SDK1: variants seen among roughly 807,000 people sequenced by gnomAD.
The protein encoded by SDK1 is protein sidekick-1.
In SDK1, 157 loss-of-function variants were observed where a neutral mutation model predicts 245.5. The ratio of observed to expected loss-of-function variants is 0.64; its 90% CI spans 0.56 to 0.73. SDK1 has a LOEUF of 0.73. Ranked by LOEUF, SDK1 falls within the 30% of genes least tolerant of loss-of-function variation. SDK1 has a pLI of 0.00. For synonymous variants in SDK1, 1,647 were observed against 1,278.5 expected, an observed-to-expected ratio of 1.29 and a Z score of -6.15; for missense variants, 3,583 against 3,002.3, an observed-to-expected ratio of 1.19 and a Z score of -4.52.
intron 1 of SDK1, among the ~76,000 whole-genome samples, chr7:3,500,955 C>G (rs1028120960): frequency 2.0e-4 from 30 of 151,998 alleles, no homozygotes; most frequent in Non-Finnish European, 3.4e-4. Context: ...ATAGATGAAG[C>G]ATTTTTTAAT....
chr7:4,147,753 G>A (rs1780075384), intron 29 of SDK1, among the ~76,000 whole-genome samples: 1 of 152,224 alleles, frequency 6.6e-6, no homozygotes, highest in South Asian at 2.1e-4. Flanking sequence ...GCCACCCTGG[G>A]TATCAGCACT....
At chr7:3,943,343 C>T (rs749900799) in intron 5 of SDK1, among the ~76,000 whole-genome samples, 9 of 149,518 alleles carry the variant, frequency 6.0e-5, no homozygotes, top group Non-Finnish European at 1.2e-4. Flanking sequence ...TCAGCAGCCA[C>T]CTTGGCCTCT....
intron 13 of SDK1, among the ~76,000 whole-genome samples, chr7:3,985,511 G>A (rs536475172): frequency 6.6e-6 from 1 of 152,294 alleles, no homozygotes; most frequent in African/African-American, 2.4e-5. Flanking sequence ...CTCTGCCCAG[G>A]TGCAGTGGCT....
At position 3,565,632 on chromosome 7, in the gene SDK1, C is replaced by T. The variant is rs549766224; in HGVS notation, c.299-53448C>T. Among the ~76,000 whole-genome samples, 62 of 152,246 alleles carry T rather than the reference C, an allele frequency of 4.1e-4. 1 individual carries two copies. The highest frequency in any genetic ancestry group is 2.6e-3 in the Admixed American group (40 of 15,304). ...ATCTGGAGGGGAGTGGTTCTGGAAC[C>T]TCCCTCAGATACCACAATTCACAGA... On this transcript the variant is annotated intron_variant, in intron 1 of 44. Transcript: ENST00000404826.
At chr7:3,550,868 A>G (rs1054093516) in intron 1 of SDK1, among the ~76,000 whole-genome samples, 5 of 152,062 alleles carry the variant, frequency 3.3e-5, no homozygotes, top group African/African-American at 1.2e-4. Context: ...GGGTTTTGTA[A>G]TTTTTAGCAA....
chr7:4,250,908 A>G (rs1484806568), intron 44 of SDK1, among the ~76,000 whole-genome samples: 2 of 152,156 alleles, frequency 1.3e-5, no homozygotes, highest in African/African-American at 4.8e-5. Flanking sequence ...TCATCGCTCT[A>G]AAAAGAAACC....
At chr7:3,353,820 C>G (rs1024309526) in intron 1 of SDK1, among the ~76,000 whole-genome samples, 1 of 152,068 alleles carries the variant, frequency 6.6e-6, no homozygotes, top group Non-Finnish European at 1.5e-5. Context: ...AAAAAGCAGC[C>G]TCCCATGTTT....
At chr7:3,970,921 C>T (rs974574531) in intron 11 of SDK1, among the ~76,000 whole-genome samples, 2 of 152,188 alleles carry the variant, frequency 1.3e-5, no homozygotes, top group Admixed American at 1.3e-4. Flanking sequence ...AGTGACCCAT[C>T]GCACAGGCAA....
At chr7:3,502,223 A>AT (rs561329481) in intron 1 of SDK1, among the ~76,000 whole-genome samples, 3,161 of 151,098 alleles carry the variant, frequency 0.021, 104 homozygotes, top group African/African-American at 0.064. Flanking sequence ...TGTTTCAAAG[A>AT]TTTTTTTTTA....
chr7:3,616,313 C>T (rs1426234836), intron 1 of SDK1, among the ~76,000 whole-genome samples: 1 of 152,206 alleles, frequency 6.6e-6, no homozygotes, highest in Non-Finnish European at 1.5e-5. Context: ...GTGAGGTGGG[C>T]AGCATGGACA....
At chr7:3,348,722 T>G (rs1390903216) in intron 1 of SDK1, among the ~76,000 whole-genome samples, 1 of 152,134 alleles carries the variant, frequency 6.6e-6, no homozygotes, top group Non-Finnish European at 1.5e-5. Context: ...TTTCAAAAAG[T>G]GAGCTGTTAT....
chr7:3,541,849 G>C (rs887529552), intron 1 of SDK1, among the ~76,000 whole-genome samples: 8 of 152,142 alleles, frequency 5.3e-5, no homozygotes, highest in Non-Finnish European at 8.8e-5. Context: ...GTATTAAGGA[G>C]CTAAATGCCC....
chr7:4,162,369 G>GTTGTTATTATTA lies in SDK1; in HGVS notation c.4800+515_4800+516insGTTATTATTATT, dbSNP rs776772572. 1.5e-3 allele frequency among the ~76,000 whole-genome samples: 187 copies of GTTGTTATTATTA among 128,378 alleles called. 2 individuals carry two copies. In the East Asian group the frequency reaches 0.019, roughly 13 times the overall value. The allele number at this position is 128,378 out of a possible 152,430, so 84.2% of individuals were successfully genotyped here. A position where few individuals can be genotyped will look rare whatever the true frequency, so the allele number is the denominator to read the frequency against. On this transcript the variant is annotated intron_variant, in intron 32 of 44. Coordinates refer to ENST00000404826, the MANE Select transcript of SDK1 (RefSeq NM_152744.4). ...GGTGGTGGTGGTGGTTGTTGTTGTT[G>GTTGTTATTATTA]TTATTATTATTATTATTATTATTAT...
At chr7:3,553,329 C>A (rs747478093) in intron 1 of SDK1, among the ~76,000 whole-genome samples, 3 of 152,168 alleles carry the variant, frequency 2.0e-5, no homozygotes, top group Non-Finnish European at 4.4e-5. Context: ...TTTAAGACTT[C>A]TAGCTTGGAC....
chr7:3,597,763 T>C (rs1051820355), intron 1 of SDK1, among the ~76,000 whole-genome samples: 1 of 152,182 alleles, frequency 6.6e-6, no homozygotes, highest in South Asian at 2.1e-4. Flanking sequence ...GACAGTTTTG[T>C]TTTTGACTTT....
chr7:3,560,223 G>A (rs1018628407), intron 1 of SDK1, among the ~76,000 whole-genome samples: 4 of 152,138 alleles, frequency 2.6e-5, no homozygotes, highest in Admixed American at 2.6e-4. Context: ...CGTATCTTTA[G>A]AAGTACGTAC....
chr7:3,464,266 A>G (rs1339678319), intron 1 of SDK1, among the ~76,000 whole-genome samples: 1 of 152,148 alleles, frequency 6.6e-6, no homozygotes, highest in Non-Finnish European at 1.5e-5. Context: ...GCTCACGCCT[A>G]TAATCCTAAC....
chr7:3,787,391 A>G (rs921320613), intron 4 of SDK1, among the ~76,000 whole-genome samples: 4 of 152,234 alleles, frequency 2.6e-5, no homozygotes, highest in African/African-American at 7.2e-5. Flanking sequence ...GACAGAGCGT[A>G]GCAACATGAT....
intron 5 of SDK1, among the ~76,000 whole-genome samples, chr7:3,906,617 C>CTTTTTTTTTTTT (rs71032914): frequency 1.7e-5 from 1 of 57,192 alleles, no homozygotes; most frequent in Non-Finnish European, 3.1e-5. Flanking sequence ...ATTTCAGTGT[C>CTTTTTTTTTTTT]TTTTTTTTTT....
Sources: allele counts gnomAD v4.1 joint callset (sites outside exome capture counted in the v4.1 genomes callset), GRCh38; gene constraint gnomAD v4.1.1; transcripts MANE v1.5; gene names NCBI Gene and HGNC (gene_info 2026-07-23, HGNC 2026-07-21).